Variants in DLG2 observed in about 807,000 individuals in gnomAD.
DLG2 encodes the protein disks large homolog 2.
Under a neutral mutation model 132.5 loss-of-function variants are expected in DLG2, and 45 were observed. The ratio of observed to expected loss-of-function variants is 0.34; its 90% CI spans 0.27 to 0.44. The LOEUF (loss-of-function observed/expected upper bound fraction) is 0.44, where lower values mean the gene tolerates loss of function less well. DLG2 is among the 20% of genes least tolerant of loss of function. The pLI is 1.00. For missense variants in DLG2, 1,045 were observed against 1,196.9 expected (o/e 0.87, Z 1.87); for synonymous variants, 424 against 419.6 (o/e 1.01, Z -0.13).
chr11:84,439,209 A>G (rs181386686), intron 7 of DLG2, among the ~76,000 whole-genome samples: 1 of 152,224 alleles, frequency 6.6e-6, no homozygotes, highest in African/African-American at 2.4e-5. Flanking sequence ...CTTCTAATTT[A>G]TTTATTTGTT....
intron 8 of DLG2, among the ~76,000 whole-genome samples, chr11:84,164,242 G>A (rs2095612048): frequency 6.6e-6 from 1 of 152,110 alleles, no homozygotes; most frequent in African/African-American, 2.4e-5. Flanking sequence ...TGTGCACAGA[G>A]GCCATATGAA....
chr11:84,796,709 T>C (rs1210721240), intron 6 of DLG2, among the ~76,000 whole-genome samples: 4 of 71,826 alleles, frequency 5.6e-5, no homozygotes, highest in Non-Finnish European at 2.2e-4. Flanking sequence ...ACTTTAAATA[T>C]GTCATGCCAC....
At chr11:85,457,430 C>G (rs185833106) in intron 3 of DLG2, among the ~76,000 whole-genome samples, 3 of 152,212 alleles carry the variant, frequency 2.0e-5, no homozygotes, top group Non-Finnish European at 2.9e-5. Context: ...GAATTTAGCC[C>G]ATTCATATTC....
intron 6 of DLG2, among the ~76,000 whole-genome samples, chr11:84,572,744 A>G (rs2099488582): frequency 1.3e-5 from 2 of 152,018 alleles, no homozygotes; most frequent in African/African-American, 4.8e-5. Context: ...ATGAGGTAAT[A>G]TTATTCCCCT....
chr11:84,803,347 T>C (rs1267740854), intron 6 of DLG2, among the ~76,000 whole-genome samples: 1 of 152,232 alleles, frequency 6.6e-6, no homozygotes, highest in Non-Finnish European at 1.5e-5. Context: ...TCTTCTTTAA[T>C]GAAAGCTGTT....
At chr11:84,942,900 C>G (rs1382851633) in intron 6 of DLG2, among the ~76,000 whole-genome samples, 1 of 152,088 alleles carries the variant, frequency 6.6e-6, no homozygotes, top group African/African-American at 2.4e-5. Flanking sequence ...TCTGGGTGCT[C>G]CACTGTTAGG....
At chr11:85,018,734 T>C (rs1014415109) in intron 6 of DLG2, among the ~76,000 whole-genome samples, 5 of 151,532 alleles carry the variant, frequency 3.3e-5, no homozygotes, top group Non-Finnish European at 7.4e-5. Flanking sequence ...ATACAATTAA[T>C]AAGGTAGATG....
intron 3 of DLG2, among the ~76,000 whole-genome samples, chr11:85,560,301 T>C (rs4301809): frequency 0.21 from 31,794 of 151,624 alleles, 4,083 homozygotes; most frequent in East Asian, 0.39. Context: ...CAGCAACAGT[T>C]TATATATTTA....
intron 7 of DLG2, among the ~76,000 whole-genome samples, chr11:84,516,982 A>T (rs1463394476): frequency 1.4e-5 from 2 of 146,882 alleles, no homozygotes; most frequent in Non-Finnish European, 3.0e-5. Flanking sequence ...CCTAAAACTT[A>T]AAGTATAAAA....
chr11:84,958,533 C>T (rs1005932329), intron 6 of DLG2, among the ~76,000 whole-genome samples: 1 of 152,168 alleles, frequency 6.6e-6, no homozygotes. Context: ...AAACATTAAG[C>T]TAATAAGCTG....
intron 3 of DLG2, among the ~76,000 whole-genome samples, chr11:85,343,899 C>A (rs1412422860): frequency 2.6e-5 from 4 of 151,566 alleles, no homozygotes; most frequent in Non-Finnish European, 5.9e-5. Context: ...AATCATACAT[C>A]ATTTCAGCAA....
chr11:84,940,155 G>T (rs2049217088), intron 6 of DLG2, among the ~76,000 whole-genome samples: 1 of 152,086 alleles, frequency 6.6e-6, no homozygotes. Context: ...TTTTAGTTGT[G>T]ATTTGCATTT....
chr11:84,997,115 T>G (rs1480002004), intron 6 of DLG2: 1 of 153,162 alleles, frequency 6.5e-6, no homozygotes, highest in Non-Finnish European at 1.5e-5. Flanking sequence ...CAATATGACT[T>G]CTGATTTGTA....
intron 5 of DLG2, among the ~76,000 whole-genome samples, chr11:85,120,278 A>C (rs758512703): frequency 6.6e-6 from 1 of 152,074 alleles, no homozygotes; most frequent in Non-Finnish European, 1.5e-5. Context: ...ATCAAGTGCC[A>C]TGGCCAACAT....
In DLG2 at chr11:84,312,848, T is replaced by C. The variant is rs2098302527; in HGVS notation, c.520-61557A>G. ...ATTTTCAAGATGGAGTCTTGCTCTG[T>C]CACCAGGCTGAAGTGCAATGGTGCA... is the stretch of plus-strand genomic sequence containing the variant. On this transcript the variant is annotated intron_variant, in intron 7 of 27. Coordinates refer to ENST00000376104, the MANE Select transcript of DLG2 (RefSeq NM_001142699.3). Among the ~76,000 whole-genome samples the C allele has an allele frequency of 2.0e-5, 3 of 152,120 alleles. No individual in the cohort carries two copies. In the South Asian group the frequency reaches 6.2e-4, roughly 31 times the overall value.
intron 6 of DLG2, among the ~76,000 whole-genome samples, chr11:84,608,823 TA>T (rs1422175637): frequency 7.2e-5 from 11 of 152,198 alleles, no homozygotes; most frequent in Non-Finnish European, 1.2e-4. Context: ...CTGATAAGTA[TA>T]TGCCAAGCAC....
At chr11:83,749,679 AG>A (rs2093173308) in intron 18 of DLG2, among the ~76,000 whole-genome samples, 1 of 152,134 alleles carries the variant, frequency 6.6e-6, no homozygotes. Flanking sequence ...TCAAATCCTG[AG>A]GGGGTCTGAT....
chr11:84,769,094 G>T (rs1312856985), intron 6 of DLG2, among the ~76,000 whole-genome samples: 2 of 152,054 alleles, frequency 1.3e-5, no homozygotes, highest in African/African-American at 4.8e-5. Context: ...TGAATGTAGT[G>T]ACACCACCAA....
At chr11:84,006,955 A>G (rs1197539921) in intron 11 of DLG2, among the ~76,000 whole-genome samples, 1 of 151,752 alleles carries the variant, frequency 6.6e-6, no homozygotes, top group African/African-American at 2.4e-5. Context: ...ATCTGCTAAG[A>G]AACTAAAAGA....
Sources: gnomAD v4.1 joint callset for allele counts (sites outside exome capture counted in the v4.1 genomes callset) on GRCh38, gnomAD v4.1.1 for gene constraint, MANE v1.5 for transcripts, NCBI Gene and HGNC (gene_info 2026-07-23, HGNC 2026-07-21) for gene names.